MRPL42: variants seen among roughly 807,000 people sequenced by gnomAD.
MRPL42 encodes the protein mitochondrial ribosomal protein L42, also known as large ribosomal subunit protein mL42.
A neutral mutation model predicts 17.9 loss-of-function variants in MRPL42; 17 were observed. The observed-to-expected ratio is 0.95, with a 90% CI of 0.65 to 1.42. The LOEUF (loss-of-function observed/expected upper bound fraction) is 1.42. Ranked by LOEUF, MRPL42 falls within the 40% of genes most tolerant of loss-of-function variation. The pLI, the probability that MRPL42 is intolerant of heterozygous loss-of-function variation, is 0.00. For synonymous variants in MRPL42, 59 were observed against 54.4 expected, an observed-to-expected ratio of 1.08 and a Z score of -0.37; for missense variants, 177 against 175.2, an observed-to-expected ratio of 1.01 and a Z score of -0.06.
At chr12:93,488,759 A>AT (rs1418851902) in intron 5 of MRPL42, among the ~76,000 whole-genome samples, 4 of 152,070 alleles carry the variant, frequency 2.6e-5, no homozygotes, top group African/African-American at 9.7e-5. Context: ...TCTGGCATTA[A>AT]TTAGTTTTCC....
intron 4 of MRPL42, among the ~76,000 whole-genome samples, chr12:93,480,995 C>T (rs894211149): frequency 1.3e-5 from 2 of 152,094 alleles, no homozygotes; most frequent in African/African-American, 2.4e-5. Context: ...GAGTTTTGGC[C>T]TATAAACCCT....
intron 5 of MRPL42, among the ~76,000 whole-genome samples, chr12:93,490,718 TTCA>T (rs1465984711): frequency 6.6e-6 from 1 of 152,168 alleles, no homozygotes; most frequent in African/African-American, 2.4e-5. Context: ...GTCAGACCAT[TTCA>T]TTTTAAACCT....
chr12:93,514,238 A>T lies in MRPL42; in HGVS notation c.*13017A>T, dbSNP rs1953756753. On this transcript the variant is annotated 3_prime_UTR_variant, in exon 6 of 6. Transcript: ENST00000549982. ...CTAGGAGTTCACTACGTTTCCATGGACCTAACTCCAATAATGATTGGACAG... is the reference window on the plus strand; with the variant it reads ...CTAGGAGTTCACTACGTTTCCATGGTCCTAACTCCAATAATGATTGGACAG... 1 of 150,732 alleles carries T rather than the reference A, an allele frequency of 6.6e-6. No homozygotes were observed. The highest frequency in any genetic ancestry group is 1.5e-5 in the Non-Finnish European group (1 of 67,840). 9.3% of individuals were successfully genotyped at this position (150,732 alleles called of 1,614,324 possible).
chr12:93,487,659 C>T lies in MRPL42; in HGVS notation c.382C>T (p.Arg128Trp), dbSNP rs533968353. 7.5e-6 allele frequency: 12 copies of T among 1,599,206 alleles called. No homozygotes were observed. The highest frequency in any genetic ancestry group is 3.4e-5 in the South Asian group (3 of 88,556). Residue 128 changes from arginine to tryptophan, a missense_variant and splice_region_variant, in exon 5 of 6, where the codon CGG (arginine) becomes TGG (tryptophan). Physicochemically the swap from Arg to Trp is moderately radical, Grantham distance 101. Transcript: ENST00000549982. ...TTKHRWYPHGRYHRCRKNLNP... is the reference protein window; with the variant it reads ...TTKHRWYPHGWYHRCRKNLNP... ...TAAGCACCGTTGGTATCCTCATGGA[C>T]GGTAAGTTTTCTTTTCTTTTCTTCA...
chr12:93,510,244 G>C lies in MRPL42; in HGVS notation c.*9023G>C, dbSNP rs1205194199. On this transcript the variant is annotated 3_prime_UTR_variant, in exon 6 of 6. Transcript: ENST00000549982. ...TTCTTTCACTGGATAATATGCATTT[G>C]TTTCCTCTATGTCTTTTCACAGTTT... 1 of 152,118 alleles carries C rather than the reference G, an allele frequency of 6.6e-6. No homozygotes were observed. The highest frequency in any genetic ancestry group is 1.5e-5 in the Non-Finnish European group (1 of 68,024). 9.4% of individuals were successfully genotyped at this position (152,118 alleles called of 1,614,324 possible). A position where few individuals can be genotyped will look rare whatever the true frequency, so the allele number is the denominator to read the frequency against.
chr12:93,492,752 A>T (rs1051596862), intron 5 of MRPL42, among the ~76,000 whole-genome samples: 2 of 152,256 alleles, frequency 1.3e-5, no homozygotes, highest in Non-Finnish European at 2.9e-5. Flanking sequence ...GAACAAAGTC[A>T]AGTTCTAAAA....
chr12:93,487,468 C>A, intron 4 of MRPL42, 29 bp from the exon 5 acceptor site: 2 of 1,581,876 alleles, frequency 1.3e-6, no homozygotes, highest in South Asian at 2.3e-5. Flanking sequence ...CCCACATCTT[C>A]ATGATGTTTG....
intron 5 of MRPL42, chr12:93,488,518 CTA>C: frequency 2.7e-6 from 1 of 369,962 alleles, no homozygotes; most frequent in Admixed American, 4.6e-5. Flanking sequence ...TTTTTACATT[CTA>C]TGATGTATTC....
chr12:93,475,663 A>T (rs4761725), intron 2 of MRPL42, among the ~76,000 whole-genome samples: 79,194 of 151,752 alleles, frequency 0.52, 20,705 homozygotes, highest in Non-Finnish European at 0.53. Context: ...TTTTTTGAAC[A>T]TAGGAGAATC....
intron 4 of MRPL42, among the ~76,000 whole-genome samples, chr12:93,484,961 AACACAC>A (rs79607829): frequency 2.2e-3 from 60 of 26,706 alleles, no homozygotes; most frequent in African/African-American, 6.8e-3. Context: ...CTTTTTAAAA[AACACAC>A]ACACACACAC....
In MRPL42 at chr12:93,487,555, A is replaced by G. The variant is rs1953327937; in HGVS notation, c.278A>G (p.Lys93Arg). 1 of 1,613,798 alleles carries G rather than the reference A, an allele frequency of 6.2e-7. No homozygotes were observed. Among genetic ancestry groups the G allele is most frequent in the Admixed American group, 1.7e-5 (1 of 60,002 alleles). Residue 93 changes from lysine to arginine, a missense_variant, in exon 5 of 6, where the codon AAA becomes AGA. Coordinates refer to ENST00000549982, the MANE Select transcript of MRPL42 (RefSeq NM_014050.4). The stretch of plus-strand genomic sequence containing the variant: ...GAAGAAACACATGATCAAGTGCTGA[A>G]AACCAGATTGGAAGAAAAAGTTGAA... ...NNEETHDQVL[K>R]TRLEEKVEHL...
chr12:93,471,141 T>C (rs568368107), intron 2 of MRPL42, among the ~76,000 whole-genome samples: 61 of 152,302 alleles, frequency 4.0e-4, no homozygotes, highest in African/African-American at 1.5e-3. Flanking sequence ...AATAGAATGC[T>C]CAAAAGTTTG....
In MRPL42 at chr12:93,484,961, A is replaced by AC. The variant is rs1880633473; in HGVS notation, c.220-2536_220-2535insC. 1.1e-4 allele frequency among the ~76,000 whole-genome samples: 3 copies of AC among 26,702 alleles called. 1 individual carries two copies. The highest frequency in any genetic ancestry group is 5.9e-4 in the East Asian group (1 of 1,694). 17.5% of individuals were successfully genotyped at this position (26,702 alleles called of 152,430 possible). A position where few individuals can be genotyped will look rare whatever the true frequency, so the allele number is the denominator to read the frequency against. ...GTGCCACCTCCATTGCTTTTTAAAA[A>AC]ACACACACACACACACACATATATA... On this transcript the variant is annotated intron_variant, in intron 4 of 5. Transcript: ENST00000549982.
At chr12:93,480,532 A>G (rs1880407908) in intron 4 of MRPL42, among the ~76,000 whole-genome samples, 2 of 150,488 alleles carry the variant, frequency 1.3e-5, no homozygotes, top group South Asian at 4.2e-4. Context: ...TTGATTTGAC[A>G]AATAATTTCT....
chr12:93,497,399 C>T (rs1953525271), intron 5 of MRPL42, among the ~76,000 whole-genome samples: 1 of 152,186 alleles, frequency 6.6e-6, no homozygotes, highest in African/African-American at 2.4e-5. Flanking sequence ...AGCAGGCTTT[C>T]TGCCTGAGAT....
At position 93,508,439 on chromosome 12, in the gene MRPL42, C is replaced by CA. The variant is rs1209300989; in HGVS notation, c.*7224dup. 2.0e-5 allele frequency: 3 copies of CA among 152,284 alleles called. No individual in the cohort carries two copies. The highest frequency in any genetic ancestry group is 2.9e-5 in the Non-Finnish European group (2 of 68,208). The allele number at this position is 152,284 out of a possible 1,614,324, so 9.4% of individuals were successfully genotyped here. A position where few individuals can be genotyped will look rare whatever the true frequency, so the allele number is the denominator to read the frequency against. On this transcript the variant is annotated 3_prime_UTR_variant, in exon 6 of 6. Transcript: ENST00000549982. The stretch of plus-strand genomic sequence containing the variant: ...GAACAAGCACCTGTATCAAAACAAA[C>CA]AAAAAAGTGCAAGATTGGAAGCTTC...
chr12:93,483,864 C>T (rs1354239038), intron 4 of MRPL42, among the ~76,000 whole-genome samples: 2 of 152,106 alleles, frequency 1.3e-5, no homozygotes, highest in Non-Finnish European at 2.9e-5. Context: ...TACAGCTATA[C>T]AAAAATATTT....
At chr12:93,476,388 G>A (rs1461960736) in intron 2 of MRPL42, among the ~76,000 whole-genome samples, 1 of 152,034 alleles carries the variant, frequency 6.6e-6, no homozygotes, top group African/African-American at 2.4e-5. Flanking sequence ...GGCTGGTCTC[G>A]AACTCCTTGA....
chr12:93,488,753 G>C (rs982957681), intron 5 of MRPL42, among the ~76,000 whole-genome samples: 1 of 151,902 alleles, frequency 6.6e-6, no homozygotes, highest in Non-Finnish European at 1.5e-5. Context: ...TTTGACTCTG[G>C]CATTAATTAG....
Sources: gnomAD v4.1 joint callset for allele counts (sites outside exome capture counted in the v4.1 genomes callset) on GRCh38, gnomAD v4.1.1 for gene constraint, MANE v1.5 for transcripts, NCBI Gene and HGNC (gene_info 2026-07-23, HGNC 2026-07-21) for gene names.